LRRC63: variants seen among roughly 807,000 people sequenced by gnomAD.
LRRC63 encodes the protein leucine-rich repeat-containing protein 63.
A neutral mutation model predicts 49.5 loss-of-function variants in LRRC63; 40 were observed. That is an observed-to-expected ratio of 0.81 (90% CI 0.63 to 1.05). LRRC63 has a LOEUF of 1.05. Among genes scored for constraint, LRRC63 ranks in the 50% least tolerant of loss-of-function variants. The pLI is 0.00. For synonymous variants in LRRC63, 191 were observed against 221.1 expected, an observed-to-expected ratio of 0.86 and a Z score of 1.21; for missense variants, 636 against 663.1, an observed-to-expected ratio of 0.96 and a Z score of 0.45.
At chr13:46,234,166 T>A (rs1420542708) in intron 4 of LRRC63, 26 bp from the exon 5 acceptor site, 46 of 1,521,892 alleles carry the variant, frequency 3.0e-5, no homozygotes, top group Non-Finnish European at 4.1e-5. Context: ...TTAAATTTTA[T>A]GTTTTGTTTT....
intron 2 of LRRC63, among the ~76,000 whole-genome samples, chr13:46,215,149 A>G (rs1327065320): frequency 6.6e-6 from 1 of 152,192 alleles, no homozygotes; most frequent in Non-Finnish European, 1.5e-5. Flanking sequence ...TGCTGGATCA[A>G]ATGGTATTTC....
At chr13:46,219,162 G>C (rs2046336621) in intron 2 of LRRC63, among the ~76,000 whole-genome samples, 1 of 152,068 alleles carries the variant, frequency 6.6e-6, no homozygotes, top group Admixed American at 6.6e-5. Context: ...TGCTAGGTTG[G>C]GGAAGTTCTC....
intron 9 of LRRC63, among the ~76,000 whole-genome samples, chr13:46,267,956 G>GA (rs992664166): frequency 5.9e-5 from 9 of 151,874 alleles, no homozygotes; most frequent in Non-Finnish European, 1.3e-4. Flanking sequence ...TCTCCCAGCA[G>GA]AAAAAAAGTG....
exon 2 of LRRC63, chr13:46,213,059 C>G: frequency 1.3e-6 from 2 of 1,549,538 alleles, no homozygotes; most frequent in Non-Finnish European, 1.7e-6. Context: ...ACTGCTTCTT[C>G]GAAGACCCTT....
intron 5 of LRRC63, among the ~76,000 whole-genome samples, chr13:46,243,664 A>G (rs1367832067): frequency 6.6e-6 from 1 of 152,190 alleles, no homozygotes; most frequent in Non-Finnish European, 1.5e-5. Context: ...AAGGAGGGCC[A>G]TCGTATAAAA....
chr13:46,240,057 C>T (rs112381367), intron 5 of LRRC63, among the ~76,000 whole-genome samples: 1,828 of 151,582 alleles, frequency 0.012, 19 homozygotes, highest in Middle Eastern at 0.027. Flanking sequence ...ACTGAATGGG[C>T]AAAAATTGGA....
intron 9 of LRRC63, among the ~76,000 whole-genome samples, chr13:46,275,432 C>T (rs989035261): frequency 6.6e-6 from 1 of 152,196 alleles, no homozygotes; most frequent in South Asian, 2.1e-4. Context: ...TTACATTTAC[C>T]ACTGAAACTG....
intron 9 of LRRC63, chr13:46,270,035 A>T: frequency 2.0e-6 from 1 of 495,626 alleles, no homozygotes; most frequent in East Asian, 3.7e-5. Context: ...GCATATCTAT[A>T]ATAAAGTTTA....
intron 5 of LRRC63, among the ~76,000 whole-genome samples, chr13:46,243,372 G>C (rs12867023): frequency 4.6e-5 from 7 of 151,832 alleles, no homozygotes; most frequent in Non-Finnish European, 8.8e-5. Flanking sequence ...TAGTAAGAGA[G>C]GTAAAAAGGA....
chr13:46,226,533 TA>T (rs2046581904), intron 2 of LRRC63, among the ~76,000 whole-genome samples: 1 of 152,152 alleles, frequency 6.6e-6, no homozygotes, highest in Non-Finnish European at 1.5e-5. Context: ...GGGAGGTGGA[TA>T]GGGGAAGAGT....
At chr13:46,240,183 G>A (rs2047019820) in intron 5 of LRRC63, among the ~76,000 whole-genome samples, 1 of 146,054 alleles carries the variant, frequency 6.8e-6, no homozygotes, top group African/African-American at 2.5e-5. Flanking sequence ...CTGGAGTGCA[G>A]TGGCACGATC....
intron 6 of LRRC63, among the ~76,000 whole-genome samples, chr13:46,247,658 T>G (rs557896211): frequency 2.6e-5 from 4 of 152,200 alleles, no homozygotes; most frequent in Non-Finnish European, 5.9e-5. Flanking sequence ...GACAGGCTAA[T>G]GAGGCCCAGT....
chr13:46,263,010 ATC>A (rs2047635969), intron 8 of LRRC63, among the ~76,000 whole-genome samples: 1 of 152,070 alleles, frequency 6.6e-6, no homozygotes, highest in Admixed American at 6.5e-5. Flanking sequence ...CTATGTGACA[ATC>A]TCTATATTTT....
At chr13:46,234,046 A>G in intron 4 of LRRC63, 146 bp from the exon 5 acceptor site, 1 of 673,242 alleles carries the variant, frequency 1.5e-6, no homozygotes, top group African/African-American at 1.8e-5. Context: ...TGGGTAGATG[A>G]AGGCTATGGG....
At chr13:46,222,747 A>AAG (rs1328224133) in intron 2 of LRRC63, among the ~76,000 whole-genome samples, 1 of 151,666 alleles carries the variant, frequency 6.6e-6, no homozygotes, top group Non-Finnish European at 1.5e-5. Flanking sequence ...TGCTGCTATA[A>AAG]AGACACATGC....
At chr13:46,242,937 C>T (rs2047106534) in intron 5 of LRRC63, among the ~76,000 whole-genome samples, 1 of 152,114 alleles carries the variant, frequency 6.6e-6, no homozygotes, top group African/African-American at 2.4e-5. Context: ...AAGAAATGGA[C>T]CCTAAGGTGT....
At chr13:46,249,723 T>G (rs940128487) in intron 6 of LRRC63, among the ~76,000 whole-genome samples, 2 of 151,936 alleles carry the variant, frequency 1.3e-5, no homozygotes, top group African/African-American at 2.4e-5. Context: ...TTTGGACCTT[T>G]ATGATGATAA....
chr13:46,259,359 G>C, intron 7 of LRRC63, among the ~76,000 whole-genome samples: 1 of 152,114 alleles, frequency 6.6e-6, no homozygotes, highest in Non-Finnish European at 1.5e-5. Context: ...CTCATGCCCT[G>C]AGGTTATGCA....
intron 6 of LRRC63, among the ~76,000 whole-genome samples, chr13:46,249,419 C>G (rs1046239272): frequency 1.3e-5 from 2 of 151,558 alleles, no homozygotes; most frequent in Non-Finnish European, 3.0e-5. Context: ...ACTTATGTTA[C>G]TAAAGACCAG....
Sources: allele counts gnomAD v4.1 joint callset (sites outside exome capture counted in the v4.1 genomes callset), GRCh38; gene constraint gnomAD v4.1.1; transcripts MANE v1.5; gene names NCBI Gene and HGNC (gene_info 2026-07-23, HGNC 2026-07-21).